The following ANK2 variants were observed in gnomAD, a reference collection of about 807,000 sequenced individuals.
The protein encoded by ANK2 is ankyrin 2.
A neutral mutation model predicts 360.5 loss-of-function variants in ANK2; 83 were observed. The observed-to-expected ratio is 0.23, with a 90% CI of 0.19 to 0.28. The LOEUF (loss-of-function observed/expected upper bound fraction) is 0.28. ANK2 is among the 10% of genes least tolerant of loss of function. The pLI, the probability that ANK2 is intolerant of heterozygous loss-of-function variation, is 1.00. For synonymous variants in ANK2, 1,740 were observed against 1,759.5 expected, an observed-to-expected ratio of 0.99 and a Z score of 0.28; for missense variants, 4,201 against 4,795.7, an observed-to-expected ratio of 0.88 and a Z score of 3.66.
intron 1 of ANK2, among the ~76,000 whole-genome samples, chr4:113,170,768 A>G (rs2097914931): frequency 1.3e-5 from 2 of 152,188 alleles, no homozygotes; most frequent in Admixed American, 1.3e-4. Context: ...ATATTCAGAT[A>G]CAAGACAACA....
chr4:112,893,413 G>A (rs889162646), intron 1 of ANK2, among the ~76,000 whole-genome samples: 12 of 152,046 alleles, frequency 7.9e-5, no homozygotes, highest in South Asian at 4.2e-4. Flanking sequence ...TCCTCCTACC[G>A]CAGCCTCTCA....
At chr4:112,960,135 C>A (rs1345533296) in intron 2 of ANK2, among the ~76,000 whole-genome samples, 1 of 152,186 alleles carries the variant, frequency 6.6e-6, no homozygotes, top group Non-Finnish European at 1.5e-5. Flanking sequence ...ATGGCACCCC[C>A]CAGACTAACT....
At chr4:112,832,931 G>A (rs1376083468) in intron 1 of ANK2, among the ~76,000 whole-genome samples, 1 of 152,210 alleles carries the variant, frequency 6.6e-6, no homozygotes, top group Non-Finnish European at 1.5e-5. Flanking sequence ...AAGTTGGAAA[G>A]AGACAAGTCC....
chr4:112,794,641 C>A, the ANK2 span, among the ~76,000 whole-genome samples: 1 of 152,098 alleles, frequency 6.6e-6, no homozygotes, highest in Non-Finnish European at 1.5e-5. Flanking sequence ...ATTTTTTGAG[C>A]CAAGGGAGGT....
the ANK2 span, among the ~76,000 whole-genome samples, chr4:112,766,504 C>T: frequency 1.3e-5 from 2 of 152,000 alleles, no homozygotes; most frequent in Non-Finnish European, 2.9e-5. Flanking sequence ...GGGTATCTGC[C>T]TTCAGAAATT....
At position 112,961,029 on chromosome 4, in the gene ANK2, T is replaced by G. The variant is rs181532839; in HGVS notation, c.21+56515T>G. Among the ~76,000 whole-genome samples, 67 of 152,240 alleles carry G rather than the reference T, an allele frequency of 4.4e-4. No homozygotes were observed. The East Asian group carries it at 7.9e-3, about 18-fold the overall frequency. On this transcript the variant is annotated intron_variant, in intron 2 of 30. Coordinates refer to the ANK2 transcript ENST00000503271. The stretch of plus-strand genomic sequence containing the variant: ...TTAGTTTTTAAACTATATTAAAAAT[T>G]CTTTAGTTTTTGTAAACTATCTAAA...
intron 1 of ANK2, among the ~76,000 whole-genome samples, chr4:113,119,591 A>T (rs1248977933): frequency 1.3e-5 from 2 of 152,268 alleles, no homozygotes; most frequent in Admixed American, 6.5e-5. Context: ...TAAAATTATC[A>T]TCGTTTATTT....
At chr4:112,924,299 C>T (rs890962045) in intron 2 of ANK2, among the ~76,000 whole-genome samples, 3 of 149,590 alleles carry the variant, frequency 2.0e-5, no homozygotes, top group Non-Finnish European at 3.0e-5. Context: ...ACCCGGGAGA[C>T]GGAAGCTGCA....
chr4:113,358,573 G>T lies in ANK2; in HGVS notation c.9955G>T (p.Ala3319Ser). Reference sequence around the variant, plus strand: ...CACTTCCACCCCAGCACCTCCATCTGCAGAGTATGAGAGTTCAGTTTCTGA... The same window carrying T: ...CACTTCCACCCCAGCACCTCCATCTTCAGAGTATGAGAGTTCAGTTTCTGA... ...MPTSTPAPPS[A>S]EYESSVSEDF... Residue 3319 changes from alanine (A) to serine (S), a missense_variant, in exon 38 of 46, where the codon GCA (alanine) becomes TCA (serine). Around this residue, in one of 4 missense-constraint regions of ANK2, gnomAD observed 2,642 missense variants for 2,714.5 expected, o/e 0.97. Coordinates refer to ENST00000357077, the MANE Select transcript of ANK2 (RefSeq NM_001148.6). The T allele has an allele frequency of 6.2e-7, 1 of 1,614,058 alleles. No individual in the cohort carries two copies. Among genetic ancestry groups the T allele is most frequent in the Non-Finnish European group, 8.5e-7 (1 of 1,179,966 alleles).
Position 112,964,454 on chromosome 4 carries a change from T to A in ANK2, c.21+59940T>A, listed in dbSNP as rs188374881. 1.3e-3 allele frequency among the ~76,000 whole-genome samples: 195 copies of A among 152,260 alleles called. 1 individual carries two copies. Among genetic ancestry groups the A allele is most frequent in the Admixed American group, 5.3e-3 (81 of 15,298 alleles). ...AGTTTGTCTTTCTGTGTATGACATT[T>A]CACTTAGCATAATGACCTCCAGTTC... On this transcript the variant is annotated intron_variant, in intron 2 of 30. Coordinates refer to the ANK2 transcript ENST00000503271.
At chr4:113,368,301 C>CACGTGCCAT (rs2096609019) in intron 42 of ANK2, among the ~76,000 whole-genome samples, 1 of 152,200 alleles carries the variant, frequency 6.6e-6, no homozygotes, top group African/African-American at 2.4e-5. Context: ...CGTGCCATTG[C>CACGTGCCAT]TGGTTAGGAG....
intron 2 of ANK2, among the ~76,000 whole-genome samples, chr4:112,918,946 A>C (rs1236315420): frequency 6.6e-6 from 1 of 152,192 alleles, no homozygotes; most frequent in Non-Finnish European, 1.5e-5. Flanking sequence ...CAGGGGTGGT[A>C]ATATGCTCTG....
At chr4:112,719,528 A>G in the ANK2 span, among the ~76,000 whole-genome samples, 164 of 152,190 alleles carry the variant, frequency 1.1e-3, no homozygotes, top group African/African-American at 3.8e-3. Context: ...GGAGATCGAG[A>G]CCATCCTGGC....
At chr4:113,331,408 T>G (rs2092413020) in intron 27 of ANK2, among the ~76,000 whole-genome samples, 1 of 152,176 alleles carries the variant, frequency 6.6e-6, no homozygotes, top group Non-Finnish European at 1.5e-5. Context: ...AAGGGGTGTG[T>G]TTATATTTCC....
At chr4:112,923,371 A>C (rs1272447793) in intron 2 of ANK2, among the ~76,000 whole-genome samples, 1 of 152,100 alleles carries the variant, frequency 6.6e-6, no homozygotes, top group African/African-American at 2.4e-5. Context: ...TGCTAACTAA[A>C]ATGTTAAGCT....
the ANK2 span, among the ~76,000 whole-genome samples, chr4:112,799,560 C>T: frequency 1.5e-4 from 22 of 151,616 alleles, no homozygotes; most frequent in African/African-American, 4.8e-4. Context: ...TGTGTCACCC[C>T]GGCTGGAGTG....
intron 40 of ANK2, among the ~76,000 whole-genome samples, chr4:113,364,170 G>T (rs1024723649): frequency 6.6e-6 from 1 of 152,044 alleles, no homozygotes; most frequent in African/African-American, 2.4e-5. Flanking sequence ...ATCACGCATT[G>T]GTTCCTCAAA....
At chr4:112,869,302 G>A (rs1279819598) in intron 1 of ANK2, among the ~76,000 whole-genome samples, 2 of 151,198 alleles carry the variant, frequency 1.3e-5, no homozygotes, top group Non-Finnish European at 2.9e-5. Flanking sequence ...TTTTTTGACA[G>A]GATCTCACTC....
chr4:113,266,026 T>A (rs2055795178), intron 14 of ANK2, among the ~76,000 whole-genome samples: 1 of 152,222 alleles, frequency 6.6e-6, no homozygotes, highest in Non-Finnish European at 1.5e-5. Flanking sequence ...GTTACATAGG[T>A]ATATATGTGC....
Sources: gnomAD v4.1 joint callset for allele counts (sites outside exome capture counted in the v4.1 genomes callset) on GRCh38, gnomAD v4.1.1 for gene constraint, gnomAD v4.1.1 regional missense constraint, MANE v1.5 for transcripts, NCBI Gene and HGNC (gene_info 2026-07-23, HGNC 2026-07-21) for gene names.